Variants in PTPRD observed in about 807,000 individuals in gnomAD.
The protein encoded by PTPRD is protein tyrosine phosphatase receptor type D, also known as receptor-type tyrosine-protein phosphatase delta.
In PTPRD, 34 loss-of-function variants were observed where a neutral mutation model predicts 214.5. That is an observed-to-expected ratio of 0.16 (90% CI 0.12 to 0.21). The LOEUF is 0.21. PTPRD is among the 10% of genes least tolerant of loss of function. The pLI, the probability that PTPRD is intolerant of heterozygous loss-of-function variation, is 1.00. For synonymous variants in PTPRD, 1,128 were observed against 845.7 expected, an observed-to-expected ratio of 1.33 and a Z score of -5.79; for missense variants, 2,545 against 2,398.7, an observed-to-expected ratio of 1.06 and a Z score of -1.27.
intron 23 of PTPRD, among the ~76,000 whole-genome samples, 186 bp from the exon 24 acceptor site, chr9:8,501,245 C>T (rs1166855416): frequency 6.6e-6 from 1 of 151,958 alleles, no homozygotes; most frequent in African/African-American, 2.4e-5. Flanking sequence ...TATGAATAAA[C>T]CAAAAAGAGA....
intron 7 of PTPRD, among the ~76,000 whole-genome samples, chr9:9,592,371 C>T (rs539959156): frequency 2.6e-5 from 4 of 152,148 alleles, no homozygotes; most frequent in South Asian, 4.1e-4. Flanking sequence ...ATAGAACACA[C>T]TGTCGTTGTG....
At chr9:8,746,418 G>A (rs942663038) in intron 11 of PTPRD, among the ~76,000 whole-genome samples, 3 of 151,916 alleles carry the variant, frequency 2.0e-5, no homozygotes, top group South Asian at 2.1e-4. Flanking sequence ...GAGTGGCAGC[G>A]AAAAAAATAT....
intron 4 of PTPRD, among the ~76,000 whole-genome samples, chr9:9,978,892 G>A (rs1055154958): frequency 3.3e-5 from 5 of 151,662 alleles, no homozygotes; most frequent in Admixed American, 2.0e-4. Flanking sequence ...AAGAAAAGTC[G>A]ACACATTATA....
intron 9 of PTPRD, among the ~76,000 whole-genome samples, chr9:9,282,987 T>C (rs1216261998): frequency 6.6e-6 from 1 of 151,448 alleles, no homozygotes; most frequent in Non-Finnish European, 1.5e-5. Flanking sequence ...CAGGGGACAA[T>C]ATCCACTCTC....
chr9:8,927,470 G>A (rs1465082753), intron 11 of PTPRD, among the ~76,000 whole-genome samples: 2 of 152,068 alleles, frequency 1.3e-5, no homozygotes, highest in Non-Finnish European at 2.9e-5. Context: ...TTGGTTTCCT[G>A]TTCCTGTGTT....
At chr9:9,137,846 T>G (rs1374935114) in intron 10 of PTPRD, among the ~76,000 whole-genome samples, 1 of 152,182 alleles carries the variant, frequency 6.6e-6, no homozygotes, top group African/African-American at 2.4e-5. Flanking sequence ...TTTACTTATT[T>G]TATTTCCAGA....
intron 37 of PTPRD, among the ~76,000 whole-genome samples, chr9:8,382,227 T>C (rs1388991752): frequency 6.6e-6 from 1 of 152,258 alleles, no homozygotes; most frequent in African/African-American, 2.4e-5. Flanking sequence ...CAGTTGAACA[T>C]CAGCCTTTCC....
intron 3 of PTPRD, among the ~76,000 whole-genome samples, chr9:10,192,825 C>G (rs1158044618): frequency 1.3e-5 from 2 of 152,104 alleles, no homozygotes; most frequent in African/African-American, 4.8e-5. Context: ...TTCAGAATCA[C>G]AAGAGCAAAA....
At chr9:9,460,926 T>C (rs2145878227) in intron 8 of PTPRD, among the ~76,000 whole-genome samples, 1 of 152,188 alleles carries the variant, frequency 6.6e-6, no homozygotes, top group African/African-American at 2.4e-5. Flanking sequence ...GCAACCTAAG[T>C]GTCCGTCAGT....
chr9:9,766,830 G>C lies in PTPRD; in HGVS notation c.-346C>G, dbSNP rs916498534. 7.9e-5 allele frequency: 12 copies of C among 152,332 alleles called. No individual in the cohort carries two copies. The highest frequency in any genetic ancestry group is 2.7e-4 in the African/African-American group (11 of 41,378). 9.4% of individuals were successfully genotyped at this position (152,332 alleles called of 1,614,324 possible). A position where few individuals can be genotyped will look rare whatever the true frequency, so the allele number is the denominator to read the frequency against. On this transcript the variant is annotated 5_prime_UTR_variant, in exon 6 of 46. Transcript: ENST00000381196. Reference sequence around the variant, plus strand: ...CTCACCTTTGTCCAAGGCACATTCTGCTGTGGTCTCAGGACAGAAACCTAA... The same window carrying C: ...CTCACCTTTGTCCAAGGCACATTCTCCTGTGGTCTCAGGACAGAAACCTAA...
chr9:9,873,158 A>T (rs2065934636), intron 5 of PTPRD, among the ~76,000 whole-genome samples: 1 of 152,184 alleles, frequency 6.6e-6, no homozygotes, highest in African/African-American at 2.4e-5. Flanking sequence ...ACGAAGAAAT[A>T]TTATCAAAGA....
At chr9:8,723,565 G>C (rs989197329) in intron 12 of PTPRD, among the ~76,000 whole-genome samples, 3 of 152,136 alleles carry the variant, frequency 2.0e-5, no homozygotes, top group African/African-American at 7.2e-5. Context: ...GTAGTCATGC[G>C]CTGAATGAAA....
intron 9 of PTPRD, among the ~76,000 whole-genome samples, chr9:9,252,539 G>C (rs2099975920): frequency 6.6e-6 from 1 of 152,000 alleles, no homozygotes; most frequent in Non-Finnish European, 1.5e-5. Flanking sequence ...CTGGACCTCA[G>C]TGACATGAAG....
chr9:9,231,951 G>T (rs1172173763), intron 9 of PTPRD, among the ~76,000 whole-genome samples: 1 of 152,014 alleles, frequency 6.6e-6, no homozygotes. Context: ...CCAGGAAACT[G>T]GTGGCATAGA....
intron 4 of PTPRD, among the ~76,000 whole-genome samples, chr9:9,981,176 C>T (rs572180760): frequency 1.3e-5 from 2 of 152,198 alleles, no homozygotes; most frequent in Admixed American, 6.5e-5. Context: ...AAATAAAATG[C>T]AGTGGATGTA....
chr9:10,469,944 G>GAAA (rs534266855), intron 2 of PTPRD, among the ~76,000 whole-genome samples: 12 of 140,728 alleles, frequency 8.5e-5, no homozygotes, highest in African/African-American at 2.8e-4. Flanking sequence ...TGTGAGAGCT[G>GAAA]AAAAAAAAAA....
At chr9:9,246,784 C>T (rs2099973235) in intron 9 of PTPRD, among the ~76,000 whole-genome samples, 1 of 151,972 alleles carries the variant, frequency 6.6e-6, no homozygotes, top group Non-Finnish European at 1.5e-5. Context: ...TGAGACAATC[C>T]AGCAACCCAA....
At chr9:8,852,562 G>A (rs544594731) in intron 11 of PTPRD, among the ~76,000 whole-genome samples, 71 of 152,304 alleles carry the variant, frequency 4.7e-4, no homozygotes, top group African/African-American at 1.6e-3. Flanking sequence ...AGGTTTGCTC[G>A]TCGCAGGTGA....
intron 36 of PTPRD, among the ~76,000 whole-genome samples, chr9:8,392,590 T>A (rs376035004): frequency 6.6e-6 from 1 of 152,152 alleles, no homozygotes; most frequent in South Asian, 2.1e-4. Flanking sequence ...GAATACCTGG[T>A]AGAGCAAATT....
Sources: gnomAD v4.1 joint callset for allele counts (sites outside exome capture counted in the v4.1 genomes callset) on GRCh38, gnomAD v4.1.1 for gene constraint, MANE v1.5 for transcripts, NCBI Gene and HGNC (gene_info 2026-07-23, HGNC 2026-07-21) for gene names.